The following RABGAP1L variants were observed in gnomAD, a reference collection of about 807,000 sequenced individuals.
RABGAP1L encodes RAB GTPase activating protein 1 like.
RABGAP1L carries 63 observed loss-of-function variants against 137.7 expected under a neutral mutation model. That is an observed-to-expected ratio of 0.46 (90% CI 0.37 to 0.56). The LOEUF is 0.56. RABGAP1L is among the 20% of genes least tolerant of loss of function. The probability of loss-of-function intolerance (pLI) is 0.00; values close to 1 mark genes in which losing one functional copy is unlikely to be tolerated. For missense variants in RABGAP1L, 1,095 were observed against 1,244.0 expected (o/e 0.88, Z 1.80); for synonymous variants, 431 against 433.7 (o/e 0.99, Z 0.08).
chr1:174,817,942 C>T (rs1337929090), intron 19 of RABGAP1L, among the ~76,000 whole-genome samples: 1 of 152,150 alleles, frequency 6.6e-6, no homozygotes, highest in African/African-American at 2.4e-5. Context: ...ACTTAAGCAA[C>T]TTGGTGGAAA....
At chr1:174,873,462 T>C (rs1241964654) in intron 19 of RABGAP1L, among the ~76,000 whole-genome samples, 1 of 151,694 alleles carries the variant, frequency 6.6e-6, no homozygotes, top group African/African-American at 2.4e-5. Context: ...AAGTAGAATA[T>C]GAGATATAGG....
chr1:174,349,008 G>A (rs1412088165), intron 11 of RABGAP1L, among the ~76,000 whole-genome samples: 8 of 148,948 alleles, frequency 5.4e-5, no homozygotes, highest in African/African-American at 1.7e-4. Flanking sequence ...CCGGGCAGAG[G>A]CGCCCCTCAC....
At chr1:174,758,014 C>T (rs1267021336) in intron 18 of RABGAP1L, among the ~76,000 whole-genome samples, 1 of 115,750 alleles carries the variant, frequency 8.6e-6, no homozygotes, top group African/African-American at 3.0e-5. Context: ...CAGAGCGAGA[C>T]TCCATCTCAA....
chr1:174,503,511 A>G (rs577144934), intron 13 of RABGAP1L, among the ~76,000 whole-genome samples: 1 of 152,116 alleles, frequency 6.6e-6, no homozygotes, highest in Non-Finnish European at 1.5e-5. Flanking sequence ...AATACAAAAA[A>G]TTAGCCAGAT....
At chr1:174,605,265 A>T (rs750474134) in intron 13 of RABGAP1L, among the ~76,000 whole-genome samples, 1 of 152,182 alleles carries the variant, frequency 6.6e-6, no homozygotes, top group Non-Finnish European at 1.5e-5. Flanking sequence ...CCTCTGATGA[A>T]GCTTTCCTAG....
chr1:174,174,020 C>T (rs1665623642), intron 1 of RABGAP1L, among the ~76,000 whole-genome samples: 1 of 152,042 alleles, frequency 6.6e-6, no homozygotes, highest in South Asian at 2.1e-4. Context: ...ATAAATAAAG[C>T]TCTTTAGGCT....
chr1:174,482,492 T>G (rs1659206738), intron 13 of RABGAP1L, among the ~76,000 whole-genome samples: 2 of 152,222 alleles, frequency 1.3e-5, no homozygotes, highest in African/African-American at 4.8e-5. Context: ...TTATTCTTCT[T>G]TCTTTTTGTA....
At chr1:174,954,317 G>C (rs1668183970) in intron 19 of RABGAP1L, 1 of 152,064 alleles carries the variant, frequency 6.6e-6, no homozygotes, top group Non-Finnish European at 1.5e-5. Context: ...TATTGTTCTG[G>C]GAACCTGCTC....
intron 19 of RABGAP1L, among the ~76,000 whole-genome samples, chr1:174,946,917 A>ATATATATAT (rs1252382067): frequency 3.3e-5 from 2 of 59,810 alleles, no homozygotes; most frequent in African/African-American, 9.2e-5. Context: ...AAAAAAAAAA[A>ATATATATAT]ATATATATAT....
chr1:174,615,328 G>A (rs1572523546), intron 13 of RABGAP1L, among the ~76,000 whole-genome samples: 1 of 152,200 alleles, frequency 6.6e-6, no homozygotes, highest in Non-Finnish European at 1.5e-5. Flanking sequence ...TTTGGGGTTT[G>A]CTGGATGTCC....
intron 15 of RABGAP1L, 73 bp downstream of exon 15, chr1:174,683,669 CCTT>C (rs1434647538): frequency 1.7e-6 from 2 of 1,192,652 alleles, no homozygotes; most frequent in Non-Finnish European, 2.4e-6. Context: ...CTTTGTTCTT[CCTT>C]CTTATTTCCC....
chr1:174,902,206 G>A (rs1048561355), intron 19 of RABGAP1L, among the ~76,000 whole-genome samples: 2 of 152,194 alleles, frequency 1.3e-5, no homozygotes, highest in Admixed American at 6.5e-5. Context: ...CTGCTTTTTG[G>A]TAGAGCAGGT....
chr1:174,366,778 G>GAAAAAAAAAA (rs71117562), intron 11 of RABGAP1L, among the ~76,000 whole-genome samples: 17 of 94,762 alleles, frequency 1.8e-4, no homozygotes, highest in African/African-American at 5.1e-4. Flanking sequence ...CCGTCTCCAG[G>GAAAAAAAAAA]AAAAAAAAAA....
intron 13 of RABGAP1L, among the ~76,000 whole-genome samples, chr1:174,612,807 G>T (rs890400887): frequency 2.6e-4 from 39 of 152,308 alleles, no homozygotes; most frequent in Admixed American, 2.3e-3. Flanking sequence ...GTCAAGGAAT[G>T]TATCCATTTC....
At chr1:174,365,664 C>T (rs1352138729) in intron 11 of RABGAP1L, among the ~76,000 whole-genome samples, 1 of 152,140 alleles carries the variant, frequency 6.6e-6, no homozygotes, top group Non-Finnish European at 1.5e-5. Context: ...TCCTTATCCC[C>T]AAAGTGTACA....
chr1:174,370,914 G>T, intron 11 of RABGAP1L, 65 bp from the exon 12 acceptor site: 2 of 795,164 alleles, frequency 2.5e-6, no homozygotes, highest in South Asian at 6.0e-5. Context: ...TTTATTGTAT[G>T]ATATATAAAG....
chr1:174,248,311 A>G (rs1672431201), intron 5 of RABGAP1L, among the ~76,000 whole-genome samples: 1 of 152,228 alleles, frequency 6.6e-6, no homozygotes, highest in African/African-American at 2.4e-5. Context: ...AATACTTGGT[A>G]TGCAGAAGGT....
intron 13 of RABGAP1L, among the ~76,000 whole-genome samples, chr1:174,528,729 C>T (rs1664141026): frequency 6.6e-6 from 1 of 151,764 alleles, no homozygotes; most frequent in African/African-American, 2.4e-5. Context: ...ATCTGAGAGT[C>T]TCCTGTATCT....
intron 11 of RABGAP1L, among the ~76,000 whole-genome samples, chr1:174,356,431 C>A (rs1484471572): frequency 6.6e-6 from 1 of 151,546 alleles, no homozygotes; most frequent in Non-Finnish European, 1.5e-5. Context: ...TGTTTTCACC[C>A]CAATTTTGTG....
Sources: gnomAD v4.1 joint callset for allele counts (sites outside exome capture counted in the v4.1 genomes callset) on GRCh38, gnomAD v4.1.1 for gene constraint, MANE v1.5 for transcripts, NCBI Gene and HGNC (gene_info 2026-07-23, HGNC 2026-07-21) for gene names.